Variants in NUP155 observed in about 807,000 individuals in gnomAD.
The protein encoded by NUP155 is nucleoporin 155.
Under a neutral mutation model 180.4 loss-of-function variants are expected in NUP155, and 71 were observed. The ratio of observed to expected loss-of-function variants is 0.39; its 90% CI spans 0.33 to 0.48. NUP155 has a LOEUF of 0.48. Ranked by LOEUF, NUP155 falls within the 20% of genes least tolerant of loss-of-function variation. The probability of loss-of-function intolerance (pLI) is 0.91; values close to 1 mark genes in which losing one functional copy is unlikely to be tolerated. For missense variants in NUP155, 1,553 were observed against 1,648.9 expected, an observed-to-expected ratio of 0.94 and a Z score of 1.01; for synonymous variants, 582 against 559.5, an observed-to-expected ratio of 1.04 and a Z score of -0.57.
In NUP155 at chr5:37,309,273, AGAG is replaced by A; in HGVS notation, c.2629-9_2629-7del. ...CGCTGGAGAAGCTCATTTGCCTAGA[AGAG>A]GAGATAACAAGAACTTAAAAATATA... is the stretch of plus-strand genomic sequence containing the variant. On this transcript the variant is annotated splice_region_variant and splice_polypyrimidine_tract_variant and intron_variant, in intron 23 of 34. Coordinates refer to ENST00000231498, the MANE Select transcript of NUP155 (RefSeq NM_153485.3). The A allele has an allele frequency of 7.9e-7, 1 of 1,269,392 alleles. No homozygotes were observed. The highest frequency in any genetic ancestry group is 1.1e-6 in the Non-Finnish European group (1 of 944,188). 78.6% of individuals were successfully genotyped at this position (1,269,392 alleles called of 1,614,324 possible). A position where few individuals can be genotyped will look rare whatever the true frequency, so the allele number is the denominator to read the frequency against.
chr5:37,321,528 G>C (rs1581157699), intron 20 of NUP155, among the ~76,000 whole-genome samples: 3 of 151,938 alleles, frequency 2.0e-5, no homozygotes, highest in Non-Finnish European at 4.4e-5. Flanking sequence ...ACCATCCTGG[G>C]CAACATGGTG....
At chr5:37,320,506 G>C (rs1360719787) in intron 20 of NUP155, among the ~76,000 whole-genome samples, 1 of 152,150 alleles carries the variant, frequency 6.6e-6, no homozygotes, top group Admixed American at 6.5e-5. Flanking sequence ...GAGAGAGAGA[G>C]ATTACCTTGT....
intron 26 of NUP155, 72 bp downstream of exon 26, chr5:37,304,985 A>G (rs1457822500): frequency 4.3e-5 from 68 of 1,567,712 alleles, no homozygotes; most frequent in Non-Finnish European, 5.8e-5. Flanking sequence ...CCCCAAGATG[A>G]CTGTGCTACC....
At chr5:37,327,234 C>A in intron 18 of NUP155, 1 of 272,212 alleles carries the variant, frequency 3.7e-6, no homozygotes, top group South Asian at 4.0e-5. Flanking sequence ...AAAGAAAACA[C>A]AAAAAACATA....
rs756775026 is a variant in NUP155 at position 37,363,952 on chromosome 5, G to C, written c.328C>G (p.Pro110Ala). 11 of 1,613,666 alleles carry C rather than the reference G, an allele frequency of 6.8e-6. No homozygotes were observed. The highest frequency in any genetic ancestry group is 9.3e-6 in the Non-Finnish European group (11 of 1,179,622). ...GTGAGCCAAGCTCTGCTGATAGGAG[G>C]GAACACACCCATCATGCAATTACAC... ...MQCNCMMGVF[P>A]PISRAWLTID... Residue 110 changes from proline to alanine, a missense_variant, in exon 3 of 35, where the codon CCT (proline) becomes GCT (alanine). Pro to Ala is a conservative substitution (Grantham distance 27). Coordinates refer to ENST00000231498, the MANE Select transcript of NUP155 (RefSeq NM_153485.3).
Position 37,325,850 on chromosome 5 carries a change from T to C in NUP155, c.2091+51A>G, listed in dbSNP as rs748841027. On this transcript the variant is annotated intron_variant, in intron 19 of 34. Transcript: ENST00000231498. ...AAATGTGAAACAATCTAACCATTTA[T>C]ACCATCAACTGGCTACACAAAAATA... The C allele has an allele frequency of 2.3e-5, 25 of 1,075,802 alleles. No individual in the cohort carries two copies. The South Asian group carries it at 2.4e-4, about 10-fold the overall frequency. 66.6% of individuals were successfully genotyped at this position (1,075,802 alleles called of 1,614,324 possible).
intron 13 of NUP155, 68 bp from the exon 14 acceptor site, chr5:37,331,863 C>T (rs1744985283): frequency 2.2e-6 from 2 of 919,492 alleles, no homozygotes; most frequent in East Asian, 4.8e-5. Flanking sequence ...ACTGACTCTA[C>T]CTTATTTGAT....
Position 37,291,729 on chromosome 5 carries a change from TA to T in NUP155, c.*170del. 7.5e-6 allele frequency: 4 copies of T among 531,602 alleles called. No homozygotes were observed. The highest frequency in any genetic ancestry group is 3.6e-5 in the Admixed American group (1 of 27,578). The allele number at this position is 531,602 out of a possible 1,614,324, so 32.9% of individuals were successfully genotyped here. ...CAATTACTAAAAAACAAAATAGTCA[TA>T]AAAAAGAATTCATTTAGCAAAGGTA... is the stretch of plus-strand genomic sequence containing the variant. On this transcript the variant is annotated 3_prime_UTR_variant, in exon 35 of 35. Transcript: ENST00000231498.
chr5:37,367,526 TTC>T (rs1250069606), intron 1 of NUP155, among the ~76,000 whole-genome samples: 1 of 150,452 alleles, frequency 6.6e-6, no homozygotes, highest in Non-Finnish European at 1.5e-5. Flanking sequence ...AACAGCATTT[TTC>T]TTTTTCCTTT....
chr5:37,352,961 T>A, intron 4 of NUP155, 132 bp from the exon 5 acceptor site: 1 of 634,386 alleles, frequency 1.6e-6, no homozygotes. Context: ...TAGTCAATTC[T>A]GTTGTTAAAA....
In NUP155 at chr5:37,337,932, A is replaced by G; in HGVS notation, c.1247-14T>C. On this transcript the variant is annotated splice_polypyrimidine_tract_variant and intron_variant, in intron 11 of 34. Coordinates refer to ENST00000231498, the MANE Select transcript of NUP155 (RefSeq NM_153485.3). ...TCAATAGAATACCTAAAAGTTTAAT[A>G]TACAAAATATTATTACATCATGTCA... The G allele has an allele frequency of 8.6e-6, 12 of 1,397,754 alleles. No individual in the cohort carries two copies. The highest frequency in any genetic ancestry group is 1.2e-5 in the Non-Finnish European group (12 of 985,164). 86.6% of individuals were successfully genotyped at this position (1,397,754 alleles called of 1,614,324 possible). A position where few individuals can be genotyped will look rare whatever the true frequency, so the allele number is the denominator to read the frequency against.
chr5:37,298,073 A>C (rs1742682438), intron 32 of NUP155, among the ~76,000 whole-genome samples: 1 of 152,100 alleles, frequency 6.6e-6, no homozygotes, highest in Admixed American at 6.6e-5. Flanking sequence ...CCTCATTTCT[A>C]ATAAAAATAC....
rs1282897605 is a variant in NUP155 at position 37,333,620 on chromosome 5, A to G, written c.1361T>C (p.Val454Ala). The G allele has an allele frequency of 1.9e-6, 3 of 1,613,314 alleles. No individual in the cohort carries two copies. The highest frequency in any genetic ancestry group is 2.5e-6 in the Non-Finnish European group (3 of 1,179,554). ...AGAAAGAGCCCAGGAATGACCATCA[A>G]CACCAGCTGTCATCTATGTAAAAGA... The part of the protein sequence containing the change: ...PMMETQMTAG[V>A]DGHSWALSAI... The change falls in exon 13 of 35, where the codon GTT becomes GCT. Residue 454 changes from valine (V) to alanine (A), a missense_variant. Physicochemically the swap from Val to Ala is moderately conservative, Grantham distance 64. Transcript: ENST00000231498.
chr5:37,340,929 A>G (rs547210845), intron 11 of NUP155, among the ~76,000 whole-genome samples, 161 bp downstream of exon 11: 2 of 152,304 alleles, frequency 1.3e-5, no homozygotes, highest in South Asian at 2.1e-4. Context: ...ATAAGACCCA[A>G]TAGTCCGTTT....
chr5:37,310,533 A>G lies in NUP155; in HGVS notation c.2628+19T>C, dbSNP rs1223732627. On this transcript the variant is annotated intron_variant, in intron 23 of 34. Coordinates refer to ENST00000231498, the MANE Select transcript of NUP155 (RefSeq NM_153485.3). ...TACCTCTTATAACAAACAATGAAAT[A>G]GGTAATAAAGTATCATACCTTAGAA... The G allele has an allele frequency of 1.9e-6, 3 of 1,586,850 alleles. No individual in the cohort carries two copies. Among genetic ancestry groups the G allele is most frequent in the African/African-American group, 1.3e-5 (1 of 74,398 alleles).
chr5:37,351,992 G>A (rs1386367340), intron 5 of NUP155, among the ~76,000 whole-genome samples: 1 of 151,998 alleles, frequency 6.6e-6, no homozygotes, highest in Non-Finnish European at 1.5e-5. Flanking sequence ...GGAGGCCCAG[G>A]TGGGCAGATC....
chr5:37,365,713 GAAAAAAAAA>G (rs869240751), intron 1 of NUP155, among the ~76,000 whole-genome samples: 9 of 22,680 alleles, frequency 4.0e-4, no homozygotes, highest in Admixed American at 1.9e-3. Flanking sequence ...GTCTCGGGGA[GAAAAAAAAA>G]AAAAAAAAAA....
At chr5:37,331,383 T>C (rs1744953360) in intron 14 of NUP155, among the ~76,000 whole-genome samples, 1 of 152,190 alleles carries the variant, frequency 6.6e-6, no homozygotes, top group Non-Finnish European at 1.5e-5. Flanking sequence ...GAGACCAGCC[T>C]GACCAACATG....
At chr5:37,357,108 A>G (rs886065099) in intron 4 of NUP155, among the ~76,000 whole-genome samples, 1 of 151,230 alleles carries the variant, frequency 6.6e-6, no homozygotes, top group African/African-American at 2.4e-5. Context: ...CTCTGTCTCA[A>G]AAAAGAAAAA....
Sources: allele counts gnomAD v4.1 joint callset (sites outside exome capture counted in the v4.1 genomes callset), GRCh38; gene constraint gnomAD v4.1.1; transcripts MANE v1.5; gene names NCBI Gene and HGNC (gene_info 2026-07-23, HGNC 2026-07-21).